Variants in CSMD1 observed in about 807,000 individuals in gnomAD.
CSMD1 encodes the protein CUB and Sushi multiple domains 1.
CSMD1 carries 213 observed loss-of-function variants against 417.5 expected under a neutral mutation model. The ratio of observed to expected loss-of-function variants is 0.51; its 90% CI spans 0.46 to 0.57. The LOEUF is 0.57. CSMD1 is among the 20% of genes least tolerant of loss of function. The pLI is 0.00. For missense variants in CSMD1, 6,923 were observed against 4,529.7 expected (o/e 1.53, Z -15.17); for synonymous variants, 2,862 against 1,736.8 (o/e 1.65, Z -16.11).
intron 18 of CSMD1, among the ~76,000 whole-genome samples, chr8:3,374,239 G>A (rs997672298): frequency 4.6e-5 from 7 of 152,074 alleles, no homozygotes; most frequent in African/African-American, 1.2e-4. Flanking sequence ...GATTACAGGC[G>A]TGAGCCACCA....
At position 3,933,956 on chromosome 8, in the gene CSMD1, G is replaced by C. The variant is rs559064423; in HGVS notation, c.818+63947C>G. 2.1e-4 allele frequency among the ~76,000 whole-genome samples: 32 copies of C among 152,134 alleles called. No homozygotes were observed. The South Asian group carries it at 6.0e-3, about 29-fold the overall frequency. On this transcript the variant is annotated intron_variant, in intron 5 of 69. Transcript: ENST00000635120. Reference sequence around the variant, plus strand: ...AAAAACCAGCCAGGGACCTAGGCAGGGACCACACAGTCGGGCTAGTGAAGT... The same window carrying C: ...AAAAACCAGCCAGGGACCTAGGCAGCGACCACACAGTCGGGCTAGTGAAGT...
intron 3 of CSMD1, among the ~76,000 whole-genome samples, chr8:4,313,396 T>G (rs983284398): frequency 6.6e-6 from 1 of 151,550 alleles, no homozygotes; most frequent in African/African-American, 2.4e-5. Context: ...CTTTTGAGAA[T>G]GCGTTTAGTG....
rs148587989 is a variant in CSMD1 at position 4,446,262 on chromosome 8, A to C, written c.303-26197T>G. Among the ~76,000 whole-genome samples, 259 of 152,268 alleles carry C rather than the reference A, an allele frequency of 1.7e-3. 1 individual carries two copies. The highest frequency in any genetic ancestry group is 6.0e-3 in the African/African-American group (249 of 41,548). ...GGACAGAAGATCACTTGAAGAGTGG[A>C]CCCAGCTGGGAGTGGTGGCTCATGC... On this transcript the variant is annotated intron_variant, in intron 2 of 69. Coordinates refer to ENST00000635120, the MANE Select transcript of CSMD1 (RefSeq NM_033225.6).
At chr8:4,217,847 T>C (rs915814560) in intron 3 of CSMD1, among the ~76,000 whole-genome samples, 3 of 151,592 alleles carry the variant, frequency 2.0e-5, no homozygotes, top group African/African-American at 7.3e-5. Context: ...AAAAAGAAAA[T>C]GTGAAAAGGT....
At chr8:4,881,549 T>A (rs1803402992) in intron 1 of CSMD1, among the ~76,000 whole-genome samples, 1 of 148,580 alleles carries the variant, frequency 6.7e-6, no homozygotes, top group South Asian at 2.1e-4. Context: ...TTTTTTTTTT[T>A]TTATCTCATT....
At chr8:4,577,525 C>G (rs1246961463) in intron 2 of CSMD1, among the ~76,000 whole-genome samples, 1 of 152,176 alleles carries the variant, frequency 6.6e-6, no homozygotes, top group African/African-American at 2.4e-5. Flanking sequence ...ACAGCCCATC[C>G]ACAGGCTCCA....
At chr8:3,193,811 G>C (rs1249221767) in intron 33 of CSMD1, among the ~76,000 whole-genome samples, 1 of 152,178 alleles carries the variant, frequency 6.6e-6, no homozygotes, top group Non-Finnish European at 1.5e-5. Context: ...GTGCTCATCT[G>C]TCGGGAAAAG....
intron 5 of CSMD1, among the ~76,000 whole-genome samples, chr8:3,878,418 A>G (rs533246474): frequency 9.4e-4 from 143 of 152,330 alleles, no homozygotes; most frequent in African/African-American, 3.3e-3. Flanking sequence ...TATAACAATA[A>G]TATCAACAAT....
chr8:3,323,565 C>T (rs1240997917), intron 23 of CSMD1, among the ~76,000 whole-genome samples: 9 of 152,196 alleles, frequency 5.9e-5, no homozygotes, highest in African/African-American at 2.2e-4. Context: ...CACTCTCCAA[C>T]AGTTAAAATA....
At chr8:3,393,648 A>T (rs974455031) in intron 17 of CSMD1, among the ~76,000 whole-genome samples, 2 of 152,170 alleles carry the variant, frequency 1.3e-5, no homozygotes, top group African/African-American at 4.8e-5. Flanking sequence ...ACAATGGAAT[A>T]GTATGCAACC....
At chr8:4,831,743 G>A (rs998836496) in intron 1 of CSMD1, among the ~76,000 whole-genome samples, 1 of 152,136 alleles carries the variant, frequency 6.6e-6, no homozygotes, top group Non-Finnish European at 1.5e-5. Context: ...TGGCCTTGGG[G>A]TTCTAGTCCA....
At chr8:3,091,738 A>C (rs1007583456) in intron 47 of CSMD1, 76 bp from the exon 48 acceptor site, 3 of 1,349,652 alleles carry the variant, frequency 2.2e-6, no homozygotes. Context: ...TTAGCTTTTG[A>C]TTACACTGGA....
intron 3 of CSMD1, among the ~76,000 whole-genome samples, chr8:4,074,676 G>A (rs919005851): frequency 5.9e-5 from 9 of 151,744 alleles, no homozygotes; most frequent in Non-Finnish European, 1.3e-4. Context: ...ACAATGGTAC[G>A]TTAAAATTTT....
intron 5 of CSMD1, among the ~76,000 whole-genome samples, chr8:3,928,475 T>A (rs902384821): frequency 6.6e-6 from 1 of 152,126 alleles, no homozygotes; most frequent in African/African-American, 2.4e-5. Flanking sequence ...TTTGTAGAAA[T>A]AAAAATGCAG....
chr8:4,704,592 G>T (rs767494384), intron 1 of CSMD1, among the ~76,000 whole-genome samples: 2 of 152,100 alleles, frequency 1.3e-5, no homozygotes, highest in Non-Finnish European at 2.9e-5. Context: ...TAACCACATC[G>T]ATCAACTCTG....
chr8:3,072,332 T>C (rs1813375983), intron 49 of CSMD1, among the ~76,000 whole-genome samples: 1 of 152,214 alleles, frequency 6.6e-6, no homozygotes, highest in Non-Finnish European at 1.5e-5. Context: ...ACAAATGCTC[T>C]GAATTAGAAT....
chr8:4,056,667 T>G (rs961410486), intron 3 of CSMD1, among the ~76,000 whole-genome samples: 2 of 151,980 alleles, frequency 1.3e-5, no homozygotes, highest in Admixed American at 6.6e-5. Context: ...GTATATCTCC[T>G]CATGCTATCC....
In CSMD1 at chr8:4,140,469, G is replaced by A. The variant is rs935953745; in HGVS notation, c.416-108370C>T. Among the ~76,000 whole-genome samples the A allele has an allele frequency of 2.7e-4, 40 of 150,192 alleles. 3 individuals are homozygous for A. The highest frequency in any genetic ancestry group is 9.7e-4 in the African/African-American group (39 of 40,012). ...GCCAAGATCAAACATTTGCACTCCA[G>A]TATAAGCAACAAAATCCATCTCAAA... On this transcript the variant is annotated intron_variant, in intron 3 of 69. Transcript: ENST00000635120.
chr8:4,465,205 C>T (rs920150929), intron 2 of CSMD1, among the ~76,000 whole-genome samples: 2 of 152,100 alleles, frequency 1.3e-5, no homozygotes, highest in Non-Finnish European at 2.9e-5. Context: ...AGGAGGATGC[C>T]ACATAAAGTA....
Sources: gnomAD v4.1 joint callset for allele counts (sites outside exome capture counted in the v4.1 genomes callset) on GRCh38, gnomAD v4.1.1 for gene constraint, MANE v1.5 for transcripts, NCBI Gene and HGNC (gene_info 2026-07-23, HGNC 2026-07-21) for gene names.